The following ACSBG1 variants were observed in gnomAD, a reference collection of about 807,000 sequenced individuals.
The protein encoded by ACSBG1 is long-chain-fatty-acid--CoA ligase ACSBG1.
A neutral mutation model predicts 80.2 loss-of-function variants in ACSBG1; 39 were observed. The ratio of observed to expected loss-of-function variants is 0.49; its 90% CI spans 0.38 to 0.64. The LOEUF is 0.64. Ranked by LOEUF, ACSBG1 falls within the 30% of genes least tolerant of loss-of-function variation. The probability of loss-of-function intolerance (pLI) is 0.00; values close to 1 mark genes in which losing one functional copy is unlikely to be tolerated. For synonymous variants in ACSBG1, 392 were observed against 379.5 expected (o/e 1.03, Z -0.38); for missense variants, 828 against 966.4 (o/e 0.86, Z 1.90).
intron 5 of ACSBG1, among the ~76,000 whole-genome samples, chr15:78,189,300 AC>A (rs1434381517): frequency 2.7e-5 from 4 of 150,900 alleles, no homozygotes; most frequent in Non-Finnish European, 2.9e-5. Context: ...ATACCATTTG[AC>A]CCAGCCATCC....
Position 78,178,654 on chromosome 15 carries a change from C to T in ACSBG1, c.1662G>A (p.Leu554=). 1.2e-6 allele frequency: 2 copies of T among 1,613,876 alleles called. No individual in the cohort carries two copies. Among genetic ancestry groups the T allele is most frequent in the Non-Finnish European group, 1.7e-6 (2 of 1,179,952 alleles). The part of the protein sequence containing the change: ...GWLHTGDAGR[L]DADGFLYITG... ...TGATGTAGAGGAAGCCATCGGCGTCCAGGCGGCCAGCATCACCCGTGTGCA... is the reference window on the plus strand; with the variant it reads ...TGATGTAGAGGAAGCCATCGGCGTCTAGGCGGCCAGCATCACCCGTGTGCA... Residue 554 remains leucine (L), a synonymous_variant, in exon 11 of 14, where the codon CTG becomes CTA. Transcript: ENST00000258873. The surrounding 1 kb of genome is among the most constrained non-coding windows in gnomAD (Gnocchi z 4.3).
At chr15:78,227,172 T>C (rs1220280370) in intron 1 of ACSBG1, among the ~76,000 whole-genome samples, 1 of 127,636 alleles carries the variant, frequency 7.8e-6, no homozygotes, top group African/African-American at 3.1e-5. Context: ...TGAGCCGATA[T>C]CATGCCATTG....
intron 1 of ACSBG1, among the ~76,000 whole-genome samples, chr15:78,229,377 A>G (rs1346925561): frequency 6.6e-6 from 1 of 152,228 alleles, no homozygotes; most frequent in Non-Finnish European, 1.5e-5. Context: ...TCAGCACTAG[A>G]AAGCCCAGAT....
intron 2 of ACSBG1, among the ~76,000 whole-genome samples, chr15:78,199,815 A>G (rs982272223): frequency 6.6e-6 from 1 of 152,100 alleles, no homozygotes; most frequent in East Asian, 1.9e-4. Context: ...GTTTTAAATC[A>G]TATGAATCAA....
At chr15:78,184,762 G>A (rs2074982127) in intron 5 of ACSBG1, among the ~76,000 whole-genome samples, 2 of 152,210 alleles carry the variant, frequency 1.3e-5, no homozygotes, top group Admixed American at 6.5e-5. Context: ...TAAATACTAG[G>A]AAACTGGACA....
intron 4 of ACSBG1, 52 bp from the exon 5 acceptor site, chr15:78,193,678 C>A: frequency 6.4e-7 from 1 of 1,573,822 alleles, no homozygotes; most frequent in Admixed American, 1.8e-5. Context: ...AGGGGCCACC[C>A]CCTTCCCCCA....
Position 78,178,789 on chromosome 15 carries a change from G to A in ACSBG1, c.1527C>T (p.Asn509=). The A allele has an allele frequency of 6.2e-7, 1 of 1,613,788 alleles. No homozygotes were observed. Among genetic ancestry groups the A allele is most frequent in the Non-Finnish European group, 8.5e-7 (1 of 1,180,018 alleles). Residue 509 remains asparagine, a synonymous_variant, in exon 11 of 14, where the codon AAC becomes AAT. Coordinates refer to ENST00000258873, the MANE Select transcript of ACSBG1 (RefSeq NM_015162.5). The surrounding 1 kb of genome is among the most constrained non-coding windows in gnomAD (Gnocchi z 4.3). Reference sequence around the variant, plus strand: ...TCTCGCCAATGCCCTCTGCGTCCTGGTTCACCAGCTTCACCCGACAGCCGG... The same window carrying A: ...TCTCGCCAATGCCCTCTGCGTCCTGATTCACCAGCTTCACCCGACAGCCGG... ...LVPGCRVKLV[N]QDAEGIGEIC...
intron 5 of ACSBG1, among the ~76,000 whole-genome samples, chr15:78,190,289 A>G (rs1220320521): frequency 2.0e-5 from 1 of 50,564 alleles, no homozygotes; most frequent in Non-Finnish European, 3.6e-5. Flanking sequence ...TTTTACTTCT[A>G]TAGAGGTTAT....
At chr15:78,203,104 G>C (rs143381785) in intron 2 of ACSBG1, among the ~76,000 whole-genome samples, 1 of 152,198 alleles carries the variant, frequency 6.6e-6, no homozygotes, top group African/African-American at 2.4e-5. Context: ...GATCTGTATC[G>C]AGAGACTTAG....
At chr15:78,185,966 G>C (rs961100563) in intron 5 of ACSBG1, among the ~76,000 whole-genome samples, 2 of 152,112 alleles carry the variant, frequency 1.3e-5, no homozygotes, top group South Asian at 4.1e-4. Flanking sequence ...ACAAAGACAA[G>C]CTGAAAGAAT....
chr15:78,214,780 C>T (rs1260812251), intron 1 of ACSBG1, among the ~76,000 whole-genome samples: 1 of 152,118 alleles, frequency 6.6e-6, no homozygotes, highest in African/African-American at 2.4e-5. Flanking sequence ...GGCACAGAGG[C>T]AGCAATTGGG....
chr15:78,197,718 T>C (rs1442490683), intron 2 of ACSBG1, among the ~76,000 whole-genome samples: 4 of 91,418 alleles, frequency 4.4e-5, no homozygotes, highest in Non-Finnish European at 7.2e-5. Context: ...GACTCTGTCT[T>C]TAAAAAAAAA....
chr15:78,178,790 T>C lies in ACSBG1; in HGVS notation c.1526A>G (p.Asn509Ser), dbSNP rs772037479. ...CTCGCCAATGCCCTCTGCGTCCTGG[T>C]TCACCAGCTTCACCCGACAGCCGGG... ...LVPGCRVKLV[N>S]QDAEGIGEIC... Residue 509 changes from asparagine (N) to serine (S), a missense_variant, in exon 11 of 14, where the codon AAC becomes AGC. Asn to Ser is a conservative substitution (Grantham distance 46). Coordinates refer to ENST00000258873, the MANE Select transcript of ACSBG1 (RefSeq NM_015162.5). This position sits in a 1 kb window ranked among gnomAD's most constrained non-coding sequence, Gnocchi z 4.3. 1 of 1,613,698 alleles carries C rather than the reference T, an allele frequency of 6.2e-7. No individual in the cohort carries two copies. Among genetic ancestry groups the C allele is most frequent in the South Asian group, 1.1e-5 (1 of 91,084 alleles).
chr15:78,214,639 C>T (rs745824473), intron 1 of ACSBG1, among the ~76,000 whole-genome samples: 2 of 152,050 alleles, frequency 1.3e-5, no homozygotes, highest in Non-Finnish European at 2.9e-5. Flanking sequence ...GGGGTTTTGG[C>T]CATGGTGGCT....
At chr15:78,207,917 T>TGCC in intron 2 of ACSBG1, 85 bp downstream of exon 2, 3 of 876,066 alleles carry the variant, frequency 3.4e-6, no homozygotes, top group East Asian at 2.7e-5. Flanking sequence ...TGTGTGGTGG[T>TGCC]CCCCCACACC....
chr15:78,230,777 G>A (rs574112822), intron 1 of ACSBG1, among the ~76,000 whole-genome samples: 38 of 152,298 alleles, frequency 2.5e-4, no homozygotes, highest in African/African-American at 8.4e-4. Context: ...TGCCATGATT[G>A]TAAGGCCACC....
At chr15:78,175,761 G>A (rs947663000) in intron 11 of ACSBG1, among the ~76,000 whole-genome samples, 5 of 152,134 alleles carry the variant, frequency 3.3e-5, no homozygotes, top group African/African-American at 1.2e-4. Context: ...TGGCTAGAGA[G>A]GAATCCATGG....
At chr15:78,183,090 C>G (rs1004467832) in intron 5 of ACSBG1, among the ~76,000 whole-genome samples, 6 of 152,056 alleles carry the variant, frequency 3.9e-5, no homozygotes, top group Non-Finnish European at 5.9e-5. Context: ...TGCTATGTGA[C>G]TGTAGGAGAA....
At chr15:78,207,057 G>A (rs929308104) in intron 2 of ACSBG1, among the ~76,000 whole-genome samples, 1 of 152,266 alleles carries the variant, frequency 6.6e-6, no homozygotes, top group Non-Finnish European at 1.5e-5. Flanking sequence ...CAGTTGGTGG[G>A]ACCTGCCCTA....
Sources: allele counts gnomAD v4.1 joint callset (sites outside exome capture counted in the v4.1 genomes callset), GRCh38; gene constraint gnomAD v4.1.1; non-coding constraint Gnocchi (gnomAD v3.1); transcripts MANE v1.5; gene names NCBI Gene and HGNC (gene_info 2026-07-23, HGNC 2026-07-21).